TPP2: variants seen among roughly 807,000 people sequenced by gnomAD.
TPP2 encodes tripeptidyl peptidase 2.
TPP2 carries 34 observed loss-of-function variants against 155.9 expected under a neutral mutation model. The observed-to-expected ratio is 0.22, with a 90% CI of 0.17 to 0.29. TPP2 has a LOEUF of 0.29. Ranked by LOEUF, TPP2 falls within the 10% of genes least tolerant of loss-of-function variation. The pLI is 1.00. For synonymous variants in TPP2, 510 were observed against 529.4 expected (o/e 0.96, Z 0.50); for missense variants, 1,028 against 1,522.3 (o/e 0.68, Z 5.40).
intron 28 of TPP2, among the ~76,000 whole-genome samples, 185 bp downstream of exon 28, chr13:102,674,675 T>C (rs1028417519): frequency 6.6e-6 from 1 of 152,248 alleles, no homozygotes; most frequent in African/African-American, 2.4e-5. Flanking sequence ...CATTATTTTA[T>C]GGTACTGCAA....
intron 1 of TPP2, among the ~76,000 whole-genome samples, chr13:102,597,804 G>A (rs1386169198): frequency 6.6e-6 from 1 of 152,240 alleles, no homozygotes; most frequent in Non-Finnish European, 1.5e-5. Context: ...AGATAACCCA[G>A]TCCTCTTCCG....
At chr13:102,636,999 AT>A (rs1882425016) in intron 13 of TPP2, 82 bp from the exon 14 acceptor site, 11 of 1,463,584 alleles carry the variant, frequency 7.5e-6, no homozygotes, top group Non-Finnish European at 8.2e-6. Context: ...AAGTCGCTAA[AT>A]TTTTTTGGAA....
intron 1 of TPP2, among the ~76,000 whole-genome samples, chr13:102,598,243 T>C (rs1879135622): frequency 6.6e-6 from 1 of 152,234 alleles, no homozygotes; most frequent in Non-Finnish European, 1.5e-5. Context: ...TCCTACTGTA[T>C]GCTGATCTCT....
intron 25 of TPP2, among the ~76,000 whole-genome samples, chr13:102,663,237 T>G (rs1265856496): frequency 6.6e-6 from 1 of 152,192 alleles, no homozygotes; most frequent in Non-Finnish European, 1.5e-5. Flanking sequence ...AACCTCTGCC[T>G]CCCAGGTTCA....
chr13:102,640,474 G>T, intron 16 of TPP2, 98 bp downstream of exon 16: 2 of 905,208 alleles, frequency 2.2e-6, no homozygotes, highest in Non-Finnish European at 3.5e-6. Context: ...GTATTTCCCT[G>T]GTACTAATAT....
chr13:102,647,039 C>CT (rs1217386351), intron 20 of TPP2, among the ~76,000 whole-genome samples, 168 bp from the exon 21 acceptor site: 1 of 152,036 alleles, frequency 6.6e-6, no homozygotes, highest in Non-Finnish European at 1.5e-5. Flanking sequence ...AGAGCAGTGA[C>CT]TTTTATAAGT....
At chr13:102,632,498 C>T (rs1373316348) in intron 10 of TPP2, among the ~76,000 whole-genome samples, 1 of 152,086 alleles carries the variant, frequency 6.6e-6, no homozygotes, top group African/African-American at 2.4e-5. Context: ...CCTCGGCCTC[C>T]GAAAGTGCTG....
chr13:102,631,402 T>A (rs1882008438), intron 10 of TPP2: 1 of 152,262 alleles, frequency 6.6e-6, no homozygotes, highest in African/African-American at 2.4e-5. Context: ...CATTGTAGAC[T>A]GCCCCTGCCA....
At chr13:102,667,067 A>C (rs1311294383) in intron 27 of TPP2, among the ~76,000 whole-genome samples, 1 of 152,166 alleles carries the variant, frequency 6.6e-6, no homozygotes, top group African/African-American at 2.4e-5. Flanking sequence ...ACAAGATGCT[A>C]TCAGGAAATA....
intron 27 of TPP2, among the ~76,000 whole-genome samples, chr13:102,670,581 G>A (rs529916597): frequency 1.3e-5 from 2 of 152,180 alleles, no homozygotes; most frequent in African/African-American, 4.8e-5. Flanking sequence ...TCGTGGGTCT[G>A]TGCAATCCTG....
chr13:102,604,648 A>G (rs1879680956), intron 1 of TPP2, 145 bp from the exon 2 acceptor site: 10 of 918,588 alleles, frequency 1.1e-5, no homozygotes, highest in Admixed American at 3.1e-5. Flanking sequence ...GTATTTGTTC[A>G]GGCTTTTGGC....
chr13:102,621,953 A>G (rs968397920), intron 5 of TPP2, among the ~76,000 whole-genome samples: 9 of 152,072 alleles, frequency 5.9e-5, no homozygotes, highest in African/African-American at 2.2e-4. Flanking sequence ...TCTTTGCTTC[A>G]TTTTCTCCAT....
At chr13:102,638,382 G>T (rs996623004) in intron 15 of TPP2, 67 bp downstream of exon 15, 3 of 1,503,078 alleles carry the variant, frequency 2.0e-6, no homozygotes, top group Non-Finnish European at 2.8e-6. Flanking sequence ...ATGGAGTCTT[G>T]TGGACTTTTA....
intron 10 of TPP2, chr13:102,631,175 A>G (rs1881995120): frequency 6.6e-6 from 1 of 152,260 alleles, no homozygotes; most frequent in African/African-American, 2.4e-5. Flanking sequence ...GTATAAGATT[A>G]GTGGGGAATA....
chr13:102,618,210 C>G (rs910428724), intron 4 of TPP2, among the ~76,000 whole-genome samples: 2 of 152,126 alleles, frequency 1.3e-5, no homozygotes, highest in South Asian at 2.1e-4. Context: ...GCTTCACTTA[C>G]CCCCATTAAA....
chr13:102,619,964 A>T (rs1056923856), intron 5 of TPP2, among the ~76,000 whole-genome samples: 1 of 152,226 alleles, frequency 6.6e-6, no homozygotes, highest in Non-Finnish European at 1.5e-5. Context: ...AGGCAAGGTT[A>T]AATTCAAGGA....
intron 10 of TPP2, among the ~76,000 whole-genome samples, chr13:102,633,429 T>C (rs1234706361): frequency 6.6e-6 from 1 of 152,238 alleles, no homozygotes; most frequent in African/African-American, 2.4e-5. Flanking sequence ...AATTACATGT[T>C]GAAATGCTAA....
chr13:102,675,737 A>G (rs1213575449), intron 28 of TPP2, among the ~76,000 whole-genome samples: 1 of 152,208 alleles, frequency 6.6e-6, no homozygotes, highest in Admixed American at 6.5e-5. Flanking sequence ...TACTGTGTCT[A>G]TGGCAACAAT....
rs1884693582 is a variant in TPP2 at position 102,667,616 on chromosome 13, G to A, written c.3371+2691G>A. On this transcript the variant is annotated intron_variant, in intron 27 of 29. Coordinates refer to ENST00000376052, the MANE Select transcript of TPP2 (RefSeq NM_001330588.2). ...AAAGGTATTCAATCTCAGCCAGTCA[G>A]TACAAAACCTAAGGAGAGGAAAGGA... The A allele has an allele frequency of 9.8e-6, 4 of 409,728 alleles. No homozygotes were observed. The South Asian group carries it at 3.0e-4, about 31-fold the overall frequency. The allele number at this position is 409,728 out of a possible 1,614,324, so 25.4% of individuals were successfully genotyped here. A position where few individuals can be genotyped will look rare whatever the true frequency, so the allele number is the denominator to read the frequency against.
Sources: allele counts gnomAD v4.1 joint callset (sites outside exome capture counted in the v4.1 genomes callset), GRCh38; gene constraint gnomAD v4.1.1; transcripts MANE v1.5; gene names NCBI Gene and HGNC (gene_info 2026-07-23, HGNC 2026-07-21).